BACH2: variants seen among roughly 807,000 people sequenced by gnomAD.
BACH2 encodes the protein BACH transcriptional regulator 2.
BACH2 carries 5 observed loss-of-function variants against 61.8 expected under a neutral mutation model. The ratio of observed to expected loss-of-function variants is 0.08; its 90% CI spans 0.04 to 0.17. The LOEUF is 0.17. Ranked by LOEUF, BACH2 falls within the 10% of genes least tolerant of loss-of-function variation. The pLI is 1.00. For synonymous variants in BACH2, 446 were observed against 440.1 expected, an observed-to-expected ratio of 1.01 and a Z score of -0.17; for missense variants, 824 against 1,091.1, an observed-to-expected ratio of 0.76 and a Z score of 3.45.
intron 5 of BACH2, among the ~76,000 whole-genome samples, chr6:90,062,230 T>C (rs1780723556): frequency 6.6e-6 from 1 of 152,188 alleles, no homozygotes; most frequent in African/African-American, 2.4e-5. Flanking sequence ...CTATATTACA[T>C]AAGGACTTGG....
At chr6:90,142,184 T>C (rs1488535959) in intron 4 of BACH2, among the ~76,000 whole-genome samples, 3 of 152,230 alleles carry the variant, frequency 2.0e-5, no homozygotes, top group Non-Finnish European at 2.9e-5. Flanking sequence ...TTGTCTGAGA[T>C]AGAATCTTTG....
chr6:90,030,710 T>C (rs1778927480), intron 5 of BACH2, among the ~76,000 whole-genome samples: 1 of 151,812 alleles, frequency 6.6e-6, no homozygotes, highest in African/African-American at 2.4e-5. Context: ...AGGCAATAAT[T>C]AATAGCTTAC....
Position 89,995,612 on chromosome 6 carries a change from G to T in BACH2, c.243+12990C>A, listed in dbSNP as rs867229585. Among the ~76,000 whole-genome samples the T allele has an allele frequency of 9.9e-5, 15 of 152,142 alleles. No individual in the cohort carries two copies. The South Asian group carries it at 2.1e-3, about 21-fold the overall frequency. Reference sequence around the variant, plus strand: ...ACTTTGTTTCCGCATGTGTTGTTTTGGTATAATAATAGTGTCCATCAAACA... The same window carrying T: ...ACTTTGTTTCCGCATGTGTTGTTTTTGTATAATAATAGTGTCCATCAAACA... On this transcript the variant is annotated intron_variant, in intron 6 of 8. Coordinates refer to ENST00000257749, the MANE Select transcript of BACH2 (RefSeq NM_021813.4).
At chr6:89,959,582 A>G (rs954506443) in intron 6 of BACH2, among the ~76,000 whole-genome samples, 1 of 152,230 alleles carries the variant, frequency 6.6e-6, no homozygotes, top group Non-Finnish European at 1.5e-5. Context: ...GCCAGAACCA[A>G]AACTATTATC....
intron 4 of BACH2, among the ~76,000 whole-genome samples, chr6:90,172,867 G>A (rs1392652275): frequency 1.3e-5 from 2 of 151,998 alleles, no homozygotes; most frequent in Admixed American, 6.6e-5. Flanking sequence ...TATACAAATT[G>A]TAATAATGTG....
chr6:90,250,074 C>T (rs1056805789), intron 3 of BACH2, among the ~76,000 whole-genome samples: 25 of 152,132 alleles, frequency 1.6e-4, no homozygotes, highest in African/African-American at 6.0e-4. Context: ...AGGTAGTGTT[C>T]CACCAGTTTT....
At chr6:90,172,510 A>G (rs1486282699) in intron 4 of BACH2, among the ~76,000 whole-genome samples, 2 of 152,088 alleles carry the variant, frequency 1.3e-5, no homozygotes, top group African/African-American at 2.4e-5. Flanking sequence ...GATGTTAAAT[A>G]AAAGAAATGC....
chr6:90,242,866 T>C (rs1770498148), intron 3 of BACH2, among the ~76,000 whole-genome samples: 1 of 151,990 alleles, frequency 6.6e-6, no homozygotes, highest in Non-Finnish European at 1.5e-5. Flanking sequence ...CTGTTGACTT[T>C]GGGCAAATTA....
chr6:90,001,306 A>G (rs183376804), intron 6 of BACH2: 1 of 152,336 alleles, frequency 6.6e-6, no homozygotes, highest in Non-Finnish European at 1.5e-5. Flanking sequence ...CAGGCAGCAC[A>G]GCTATGTATA....
intron 4 of BACH2, among the ~76,000 whole-genome samples, chr6:90,153,058 T>C (rs1048004767): frequency 6.6e-6 from 1 of 152,172 alleles, no homozygotes; most frequent in Non-Finnish European, 1.5e-5. Context: ...CATTCTTTCT[T>C]GGAAGTTTTT....
intron 4 of BACH2, among the ~76,000 whole-genome samples, chr6:90,194,097 T>G (rs961111364): frequency 1.1e-4 from 16 of 152,128 alleles, no homozygotes; most frequent in African/African-American, 3.4e-4. Flanking sequence ...AGTGGAGCAT[T>G]TCTATCAAGT....
At chr6:90,117,775 T>TTCCTAG (rs1783463963) in intron 4 of BACH2, among the ~76,000 whole-genome samples, 1 of 152,238 alleles carries the variant, frequency 6.6e-6, no homozygotes, top group African/African-American at 2.4e-5. Flanking sequence ...TCTTTGCTTC[T>TTCCTAG]TCCTAGTTCC....
chr6:90,254,541 A>T (rs1770916045), intron 2 of BACH2, among the ~76,000 whole-genome samples: 1 of 152,056 alleles, frequency 6.6e-6, no homozygotes, highest in Non-Finnish European at 1.5e-5. Context: ...TACCTGTTTG[A>T]ATCACACACA....
Position 90,042,398 on chromosome 6 carries a change from G to A in BACH2, c.-12-33542C>T, listed in dbSNP as rs552364179. Among the ~76,000 whole-genome samples the A allele has an allele frequency of 8.6e-5, 13 of 151,724 alleles. No homozygotes were observed. In the South Asian group the frequency reaches 2.7e-3, roughly 32 times the overall value. On this transcript the variant is annotated intron_variant, in intron 5 of 8. Coordinates refer to ENST00000257749, the MANE Select transcript of BACH2 (RefSeq NM_021813.4). ...TTTTTTTTGGTAGAGACAGGGTTTG[G>A]CCATGTTGCCCAGGCTGGTATTGAC...
rs570288970 is a variant in BACH2 at position 90,219,215 on chromosome 6, C to T, written c.-274-12534G>A. Among the ~76,000 whole-genome samples, 12 of 152,288 alleles carry T rather than the reference C, an allele frequency of 7.9e-5. No homozygotes were observed. In the South Asian group the frequency reaches 2.5e-3, roughly 32 times the overall value. ...CTTTCTTGTAAGTGTATGCCCAGCG[C>T]CTGCAGTGGGTATTAAGCACTTAGG... On this transcript the variant is annotated intron_variant, in intron 3 of 8. Transcript: ENST00000257749.
chr6:89,998,962 T>C (rs1776992893), intron 6 of BACH2, among the ~76,000 whole-genome samples: 2 of 152,288 alleles, frequency 1.3e-5, no homozygotes, highest in East Asian at 1.9e-4. Flanking sequence ...TCCATTAAGA[T>C]TATTAGGTAA....
At chr6:90,108,748 C>T (rs1783034888) in intron 4 of BACH2, among the ~76,000 whole-genome samples, 1 of 152,194 alleles carries the variant, frequency 6.6e-6, no homozygotes, top group Non-Finnish European at 1.5e-5. Context: ...ACCAACAACC[C>T]AAATACAGAA....
rs1772407678 is a variant in BACH2 at position 89,927,345 on chromosome 6, CA to C, written c.*5062del. The C allele has an allele frequency of 6.5e-6, 1 of 152,826 alleles. No homozygotes were observed. Among genetic ancestry groups the C allele is most frequent in the African/African-American group, 2.4e-5 (1 of 41,464 alleles). The allele number at this position is 152,826 out of a possible 1,614,324, so 9.5% of individuals were successfully genotyped here. A position where few individuals can be genotyped will look rare whatever the true frequency, so the allele number is the denominator to read the frequency against. On this transcript the variant is annotated 3_prime_UTR_variant, in exon 9 of 9. Transcript: ENST00000257749. Reference sequence around the variant, plus strand: ...TAAGGGGAGGTCATAGTTCTGCCTCCAAACATGTTTTGGTAGAAGACTGAGC... The same window carrying C: ...TAAGGGGAGGTCATAGTTCTGCCTCCAACATGTTTTGGTAGAAGACTGAGC...
intron 5 of BACH2, among the ~76,000 whole-genome samples, chr6:90,042,895 A>T (rs1295204518): frequency 2.0e-5 from 3 of 152,196 alleles, no homozygotes; most frequent in Non-Finnish European, 4.4e-5. Flanking sequence ...CTCTTGTAAC[A>T]GTCTAGGTGA....
Sources: gnomAD v4.1 joint callset for allele counts (sites outside exome capture counted in the v4.1 genomes callset) on GRCh38, gnomAD v4.1.1 for gene constraint, MANE v1.5 for transcripts, NCBI Gene and HGNC (gene_info 2026-07-23, HGNC 2026-07-21) for gene names.